SLC47A2: variants seen among roughly 807,000 people sequenced by gnomAD.
SLC47A2 encodes the protein multidrug and toxin extrusion protein 2.
Under a neutral mutation model 67.7 loss-of-function variants are expected in SLC47A2, and 52 were observed. The observed-to-expected ratio is 0.77, with a 90% CI of 0.61 to 0.97. SLC47A2 has a LOEUF of 0.97. SLC47A2 is among the 50% of genes least tolerant of loss of function. The pLI, the probability that SLC47A2 is intolerant of heterozygous loss-of-function variation, is 0.00. For synonymous variants in SLC47A2, 278 were observed against 292.9 expected, an observed-to-expected ratio of 0.95 and a Z score of 0.52; for missense variants, 676 against 712.3, an observed-to-expected ratio of 0.95 and a Z score of 0.58.
intron 1 of SLC47A2, 148 bp from the exon 2 acceptor site, chr17:19,715,365 G>T: frequency 1.5e-6 from 1 of 656,834 alleles, no homozygotes; most frequent in Non-Finnish European, 2.6e-6. Context: ...GAGGTCGGAT[G>T]ACCTAGCCCA....
Position 19,681,387 on chromosome 17 carries a change from A to G in SLC47A2, c.1372T>C (p.Trp458Arg), listed in dbSNP as rs1346009109. 6.2e-7 allele frequency: 1 copy of G among 1,610,616 alleles called. No individual in the cohort carries two copies. Among genetic ancestry groups the G allele is most frequent in the Non-Finnish European group, 8.5e-7 (1 of 1,178,138 alleles). ...CTTACCTCCTCTGCAGCAAGCTTCC[A>G]GTCCAGCCGGGCAGTATAAGCAACA... The part of the protein sequence containing the change: ...AFVAYTARLD[W>R]KLAAEEAKKH... Residue 458 changes from tryptophan to arginine, a missense_variant, in exon 15 of 17, where the codon TGG (tryptophan) becomes CGG (arginine). Physicochemically the swap from Trp to Arg is moderately radical, Grantham distance 101. Transcript: ENST00000433844.
At chr17:19,701,983 C>T in intron 13 of SLC47A2, 1 of 251,252 alleles carries the variant, frequency 4.0e-6, no homozygotes, top group Non-Finnish European at 6.3e-6. Context: ...GTGGCATGCA[C>T]CTGTAGTCCC....
rs1051684151 is a variant in SLC47A2, at chr17:19,715,279, A to T, written c.124-62T>A. The T allele has an allele frequency of 2.0e-6, 3 of 1,472,056 alleles. No individual in the cohort carries two copies. The Admixed American group carries it at 5.1e-5, about 25-fold the overall frequency. 91.2% of individuals were successfully genotyped at this position (1,472,056 alleles called of 1,614,324 possible). ...GGTGCCCACACAGCCGAGCCCTGCAAGACAGGCCTCTCCAGCTTTGAGGGC... is the reference window on the plus strand; with the variant it reads ...GGTGCCCACACAGCCGAGCCCTGCATGACAGGCCTCTCCAGCTTTGAGGGC... On this transcript the variant is annotated intron_variant, in intron 1 of 16. Transcript: ENST00000433844.
intron 10 of SLC47A2, 42 bp downstream of exon 10, chr17:19,705,393 TC>T: frequency 1.3e-6 from 2 of 1,574,008 alleles, no homozygotes; most frequent in Non-Finnish European, 1.7e-6. Flanking sequence ...CCTCCAGCCA[TC>T]AGGTGGGGGA....
chr17:19,704,755 G>T, intron 10 of SLC47A2: 1 of 1,464,336 alleles, frequency 6.8e-7, no homozygotes, highest in Non-Finnish European at 9.3e-7. Context: ...CCCTGCTGGG[G>T]ACGCTGTCAC....
rs1445613978 is a variant in SLC47A2, at chr17:19,703,115, C to T, written c.1071G>A (p.Leu357=). 6.2e-7 allele frequency: 1 copy of T among 1,614,044 alleles called. No individual in the cohort carries two copies. Among genetic ancestry groups the T allele is most frequent in the Non-Finnish European group, 8.5e-7 (1 of 1,180,038 alleles). Residue 357 remains leucine (L), a synonymous_variant, in exon 12 of 17, where the codon CTG becomes CTA. Transcript: ENST00000433844. ...ACTCATCATTGGTAAAAATATGCCC[C>T]AGCTGATTTTTCAGGATGCTTATCA... ...GTLISILKNQ[L]GHIFTNDEDV...
intron 12 of SLC47A2, 25 bp from the exon 13 acceptor site, chr17:19,702,699 A>G (rs1453607015): frequency 2.0e-5 from 32 of 1,612,612 alleles, no homozygotes; most frequent in Non-Finnish European, 2.6e-5. Flanking sequence ...AGAAAGCATT[A>G]AGACACAGAT....
In SLC47A2 at chr17:19,702,531, C is replaced by T. The variant is rs892539469; in HGVS notation, c.1164+74G>A. The stretch of plus-strand genomic sequence containing the variant: ...TAACAAGTTCATCCTCACAGCCCTG[C>T]GAGGTCCTGGGGAGGGCACAAGTAC... On this transcript the variant is annotated intron_variant, in intron 13 of 16. Coordinates refer to ENST00000433844, the MANE Select transcript of SLC47A2 (RefSeq NM_001099646.3). The T allele has an allele frequency of 2.7e-5, 43 of 1,586,668 alleles. No individual in the cohort carries two copies. The Middle Eastern group carries it at 5.0e-4, about 18-fold the overall frequency.
At chr17:19,704,777 C>A in intron 10 of SLC47A2, 2 of 1,239,770 alleles carry the variant, frequency 1.6e-6, no homozygotes, top group Non-Finnish European at 2.2e-6. Context: ...CAGCTCTGGC[C>A]GACTGCAGTG....
At chr17:19,715,061 G>A (rs2086214545) in intron 2 of SLC47A2, 55 bp downstream of exon 2, 29 of 1,573,048 alleles carry the variant, frequency 1.8e-5, no homozygotes, top group South Asian at 7.7e-5. Flanking sequence ...CCGGGAACCC[G>A]GTGGAGAAGC....
At chr17:19,715,706 G>GT (rs68064267) in intron 1 of SLC47A2, 1,476 of 118,658 alleles carry the variant, frequency 0.012, 36 homozygotes, top group East Asian at 0.028. Context: ...TGTTTTTTTT[G>GT]TTTTTTTTTT....
At chr17:19,695,955 C>G (rs1455602394) in intron 13 of SLC47A2, among the ~76,000 whole-genome samples, 1 of 151,582 alleles carries the variant, frequency 6.6e-6, no homozygotes, top group African/African-American at 2.4e-5. Flanking sequence ...GAACTCCTGA[C>G]CTCAGGTGAT....
chr17:19,697,877 G>C (rs2085700076), intron 13 of SLC47A2, among the ~76,000 whole-genome samples: 2 of 151,718 alleles, frequency 1.3e-5, no homozygotes, highest in Admixed American at 6.6e-5. Context: ...TTATAGACTT[G>C]AGTCATCACA....
chr17:19,717,829 T>C (rs1173985701), upstream of SLC47A2: 1 of 152,192 alleles, frequency 6.6e-6, no homozygotes, highest in Non-Finnish European at 1.5e-5. Context: ...CTCCACTGGA[T>C]CCTCCCAGGA....
intron 13 of SLC47A2, among the ~76,000 whole-genome samples, chr17:19,683,174 G>A (rs1218744444): frequency 2.6e-5 from 4 of 152,174 alleles, no homozygotes; most frequent in African/African-American, 4.8e-5. Context: ...CCCTGGACCA[G>A]TGTTTCTCAA....
rs1050005456 is a variant in SLC47A2 at position 19,702,226 on chromosome 17, G to C, written c.1164+379C>G. The C allele has an allele frequency of 7.2e-5, 71 of 985,204 alleles. No homozygotes were observed. In the African/African-American group the frequency reaches 1.2e-3, roughly 17 times the overall value. 61.0% of individuals were successfully genotyped at this position (985,204 alleles called of 1,614,324 possible). A position where few individuals can be genotyped will look rare whatever the true frequency, so the allele number is the denominator to read the frequency against. On this transcript the variant is annotated intron_variant, in intron 13 of 16. Transcript: ENST00000433844. ...TTCTGGGTGGGCTCGTTCCCTTGTA[G>C]AAATGTCCCTCTGTGCTGGCAACAG... is the stretch of plus-strand genomic sequence containing the variant.
chr17:19,692,283 G>T (rs1368396573), intron 13 of SLC47A2: 1 of 431,580 alleles, frequency 2.3e-6, no homozygotes, highest in Non-Finnish European at 4.5e-6. Flanking sequence ...GCTTACCAAG[G>T]ATCTGATCTT....
At chr17:19,710,397 AAACCCTGG>A (rs2086061957) in intron 5 of SLC47A2, among the ~76,000 whole-genome samples, 1 of 152,244 alleles carries the variant, frequency 6.6e-6, no homozygotes, top group Non-Finnish European at 1.5e-5. Context: ...GTAAAAATAG[AAACCCTGG>A]AAGGGTCCAA....
chr17:19,683,431 A>G (rs369927388), intron 13 of SLC47A2, among the ~76,000 whole-genome samples: 1 of 152,240 alleles, frequency 6.6e-6, no homozygotes, highest in Non-Finnish European at 1.5e-5. Flanking sequence ...AGGAAGGGCC[A>G]GTGGCTTTGC....
Sources: allele counts gnomAD v4.1 joint callset (sites outside exome capture counted in the v4.1 genomes callset), GRCh38; gene constraint gnomAD v4.1.1; transcripts MANE v1.5; gene names NCBI Gene and HGNC (gene_info 2026-07-23, HGNC 2026-07-21).